TENM2: variants seen among roughly 807,000 people sequenced by gnomAD.
TENM2 encodes teneurin-2.
TENM2 carries 52 observed loss-of-function variants against 245.2 expected under a neutral mutation model. The ratio of observed to expected loss-of-function variants is 0.21; its 90% CI spans 0.17 to 0.27. The LOEUF is 0.27. TENM2 is among the 10% of genes least tolerant of loss of function. TENM2 has a pLI of 1.00. For missense variants in TENM2, 3,046 were observed against 3,666.8 expected, an observed-to-expected ratio of 0.83 and a Z score of 4.37; for synonymous variants, 1,363 against 1,438.9, an observed-to-expected ratio of 0.95 and a Z score of 1.19.
At chr5:168,055,378 A>G (rs1026533318) in intron 6 of TENM2, among the ~76,000 whole-genome samples, 5 of 152,234 alleles carry the variant, frequency 3.3e-5, no homozygotes, top group Admixed American at 1.3e-4. Context: ...CTGCTTTTCA[A>G]TAACGCAGAC....
chr5:168,196,355 A>C (rs1761429517), intron 15 of TENM2, among the ~76,000 whole-genome samples: 1 of 152,176 alleles, frequency 6.6e-6, no homozygotes, highest in East Asian at 1.9e-4. Context: ...TCACTCATAC[A>C]TTTCTGTAGC....
chr5:168,248,821 T>C (rs1192061522), intron 27 of TENM2, among the ~76,000 whole-genome samples: 1 of 152,144 alleles, frequency 6.6e-6, no homozygotes, highest in Non-Finnish European at 1.5e-5. Context: ...TCATGACAAG[T>C]AAATGAACAC....
At chr5:167,678,285 T>C (rs1582727837) in intron 2 of TENM2, among the ~76,000 whole-genome samples, 1 of 152,150 alleles carries the variant, frequency 6.6e-6, no homozygotes, top group East Asian at 1.9e-4. Flanking sequence ...AAAGTAAATG[T>C]CTGAAAAAGC....
chr5:168,224,887 GC>G (rs1339796638), intron 23 of TENM2, among the ~76,000 whole-genome samples: 1 of 152,208 alleles, frequency 6.6e-6, no homozygotes, highest in Non-Finnish European at 1.5e-5. Context: ...TGTGAGAAGG[GC>G]CCAGCTCTCA....
intron 2 of TENM2, among the ~76,000 whole-genome samples, chr5:167,388,879 G>T (rs1236070077): frequency 6.6e-6 from 1 of 151,844 alleles, no homozygotes. Flanking sequence ...ATATAATTGT[G>T]TTGTGCTTTT....
chr5:167,552,961 T>C (rs1021865499), intron 2 of TENM2, among the ~76,000 whole-genome samples: 7 of 149,624 alleles, frequency 4.7e-5, no homozygotes, highest in Admixed American at 4.0e-4. Flanking sequence ...AAGTGAGACA[T>C]AGTTCTTGTC....
chr5:167,563,343 G>A (rs539553721), intron 2 of TENM2, among the ~76,000 whole-genome samples: 12 of 152,144 alleles, frequency 7.9e-5, no homozygotes, highest in Admixed American at 3.9e-4. Context: ...GTGAGTACTC[G>A]CCTCTCTTTG....
In TENM2 at chr5:167,356,981, C is replaced by T. The variant is rs544772502; in HGVS notation, c.227-18217C>T. Among the ~76,000 whole-genome samples the T allele has an allele frequency of 2.6e-5, 4 of 152,236 alleles. No individual in the cohort carries two copies. The East Asian group carries it at 7.7e-4, about 29-fold the overall frequency. On this transcript the variant is annotated intron_variant, in intron 1 of 28. Coordinates refer to ENST00000518659, the Ensembl canonical transcript of TENM2. ...AGAACTTAAAGCTTTTCCGTGGGTG[C>T]CTGAAAGTATTGTGGGCCTTATAAT...
At chr5:167,405,254 TG>T (rs1213856848) in intron 2 of TENM2, among the ~76,000 whole-genome samples, 1 of 152,092 alleles carries the variant, frequency 6.6e-6, no homozygotes, top group Non-Finnish European at 1.5e-5. Context: ...CTTGGCATCG[TG>T]TATGATTTCC....
intron 3 of TENM2, chr5:167,938,624 A>G (rs1319986021): frequency 1.3e-5 from 2 of 152,204 alleles, no homozygotes; most frequent in Non-Finnish European, 2.9e-5. Flanking sequence ...GTGCCCAATC[A>G]TTAATTGCTG....
At chr5:168,077,200 A>G (rs1791553193) in intron 7 of TENM2, among the ~76,000 whole-genome samples, 2 of 152,150 alleles carry the variant, frequency 1.3e-5, no homozygotes, top group Admixed American at 6.5e-5. Flanking sequence ...AATAAGAGAA[A>G]ACTACAGTGT....
chr5:167,813,276 T>C (rs80259396), intron 2 of TENM2, among the ~76,000 whole-genome samples: 4,402 of 152,058 alleles, frequency 0.029, 253 homozygotes, highest in East Asian at 0.18. Flanking sequence ...AATAAAGAAG[T>C]GAAGCCAATC....
At chr5:167,064,209 T>A in the TENM2 span, among the ~76,000 whole-genome samples, 1 of 152,226 alleles carries the variant, frequency 6.6e-6, no homozygotes, top group Non-Finnish European at 1.5e-5. Context: ...AGTGGATATT[T>A]TCCGCTGCAC....
intron 7 of TENM2, among the ~76,000 whole-genome samples, chr5:168,077,511 T>C (rs1286222920): frequency 6.6e-6 from 1 of 152,046 alleles, no homozygotes; most frequent in Non-Finnish European, 1.5e-5. Context: ...ATGTGCCATG[T>C]TGGTGTGCTG....
At chr5:167,925,577 C>T (rs1340583726) in intron 3 of TENM2, among the ~76,000 whole-genome samples, 1 of 152,128 alleles carries the variant, frequency 6.6e-6, no homozygotes, top group East Asian at 1.9e-4. Context: ...GCAGAATTAC[C>T]ATTCAAGCCA....
intron 24 of TENM2, among the ~76,000 whole-genome samples, chr5:168,227,175 G>C (rs1015897759): frequency 6.6e-6 from 1 of 152,174 alleles, no homozygotes; most frequent in Non-Finnish European, 1.5e-5. Flanking sequence ...AGGAGTCTCT[G>C]ACTCACATTT....
chr5:167,875,505 G>A (rs1005767995), intron 2 of TENM2, among the ~76,000 whole-genome samples: 6 of 152,174 alleles, frequency 3.9e-5, no homozygotes, highest in Non-Finnish European at 8.8e-5. Flanking sequence ...TGCAAGCATT[G>A]GGAAGTCACT....
intron 2 of TENM2, among the ~76,000 whole-genome samples, chr5:167,672,166 A>G (rs1017366058): frequency 6.6e-5 from 10 of 152,084 alleles, no homozygotes; most frequent in Non-Finnish European, 1.2e-4. Flanking sequence ...CTAGGGCATC[A>G]ACAAAACAAA....
chr5:167,507,580 T>C (rs1769640128), intron 2 of TENM2, among the ~76,000 whole-genome samples: 1 of 152,214 alleles, frequency 6.6e-6, no homozygotes, highest in African/African-American at 2.4e-5. Flanking sequence ...ATCACTGGTC[T>C]GGGCCAAGTG....
Sources: allele counts gnomAD v4.1 joint callset (sites outside exome capture counted in the v4.1 genomes callset), GRCh38; gene constraint gnomAD v4.1.1; transcripts MANE v1.5; gene names NCBI Gene and HGNC (gene_info 2026-07-23, HGNC 2026-07-21).